The following PRKG1 variants were observed in gnomAD, a reference collection of about 807,000 sequenced individuals.
PRKG1 encodes cGMP-dependent protein kinase 1.
Under a neutral mutation model 88.1 loss-of-function variants are expected in PRKG1, and 35 were observed. The observed-to-expected ratio is 0.40, with a 90% CI of 0.30 to 0.53. The LOEUF (loss-of-function observed/expected upper bound fraction) is 0.53. Ranked by LOEUF, PRKG1 falls within the 20% of genes least tolerant of loss-of-function variation. PRKG1 has a pLI of 0.59. For missense variants in PRKG1, 540 were observed against 839.8 expected (o/e 0.64, Z 4.41); for synonymous variants, 303 against 292.5 (o/e 1.04, Z -0.37).
chr10:52,086,243 T>G (rs1349822392), intron 7 of PRKG1, among the ~76,000 whole-genome samples: 2 of 152,114 alleles, frequency 1.3e-5, no homozygotes, highest in African/African-American at 4.8e-5. Flanking sequence ...AGTTGCATTC[T>G]TTTCCTTATC....
intron 3 of PRKG1, among the ~76,000 whole-genome samples, chr10:51,694,456 G>C (rs1268123835): frequency 3.3e-5 from 5 of 152,180 alleles, no homozygotes; most frequent in Non-Finnish European, 7.3e-5. Flanking sequence ...TTTTGACTGG[G>C]ATTCACATTG....
intron 10 of PRKG1, among the ~76,000 whole-genome samples, chr10:52,267,718 C>T (rs924432851): frequency 2.0e-5 from 3 of 151,926 alleles, no homozygotes; most frequent in Admixed American, 2.0e-4. Flanking sequence ...TGCATGCTGA[C>T]TTGTAATCAG....
intron 3 of PRKG1, among the ~76,000 whole-genome samples, chr10:51,792,903 A>G (rs1049306694): frequency 5.9e-5 from 9 of 152,142 alleles, no homozygotes; most frequent in Non-Finnish European, 1.2e-4. Context: ...CTAAAGACAG[A>G]GGGTAGTTCT....
chr10:51,702,048 A>G (rs1410690564), intron 3 of PRKG1, among the ~76,000 whole-genome samples: 1 of 152,216 alleles, frequency 6.6e-6, no homozygotes, highest in African/African-American at 2.4e-5. Flanking sequence ...GGTACACTCT[A>G]TTAAAAGGTT....
intron 4 of PRKG1, among the ~76,000 whole-genome samples, chr10:51,899,172 C>A (rs1161653166): frequency 6.6e-6 from 1 of 151,990 alleles, no homozygotes; most frequent in Non-Finnish European, 1.5e-5. Context: ...ATCAATACAT[C>A]AATTTTAATC....
intron 2 of PRKG1, among the ~76,000 whole-genome samples, chr10:51,392,762 T>C (rs1837446780): frequency 7.3e-6 from 1 of 136,902 alleles, no homozygotes; most frequent in Non-Finnish European, 1.7e-5. Flanking sequence ...GGCGGGGGGC[T>C]GACCACCCCC....
At chr10:51,790,327 C>T (rs1206056553) in intron 3 of PRKG1, among the ~76,000 whole-genome samples, 1 of 152,038 alleles carries the variant, frequency 6.6e-6, no homozygotes, top group Admixed American at 6.6e-5. Context: ...TTCCTATGTA[C>T]TTATAAGATG....
At chr10:51,024,312 T>C (rs1589112106) in intron 1 of PRKG1, among the ~76,000 whole-genome samples, 1 of 152,190 alleles carries the variant, frequency 6.6e-6, no homozygotes, top group South Asian at 2.1e-4. Flanking sequence ...GAGTTAATTA[T>C]ACTGAAGGAC....
chr10:51,383,580 T>G (rs1365131498), intron 2 of PRKG1, among the ~76,000 whole-genome samples: 1 of 152,120 alleles, frequency 6.6e-6, no homozygotes, highest in Non-Finnish European at 1.5e-5. Flanking sequence ...GGAGCTGAGA[T>G]TTGAATGCTG....
intron 10 of PRKG1, among the ~76,000 whole-genome samples, chr10:52,266,170 G>A (rs1039422350): frequency 9.4e-5 from 14 of 148,560 alleles, no homozygotes; most frequent in African/African-American, 2.5e-4. Flanking sequence ...TTTAGTTAAT[G>A]AACCAATATT....
intron 1 of PRKG1, among the ~76,000 whole-genome samples, chr10:51,130,564 C>T (rs1845538677): frequency 6.6e-6 from 1 of 151,790 alleles, no homozygotes; most frequent in Non-Finnish European, 1.5e-5. Context: ...AAATAAATTC[C>T]ATCTACTTTT....
intron 2 of PRKG1, among the ~76,000 whole-genome samples, chr10:51,418,245 G>A (rs1838299012): frequency 6.6e-6 from 1 of 152,074 alleles, no homozygotes; most frequent in Non-Finnish European, 1.5e-5. Flanking sequence ...GGAACTTTAG[G>A]TAGAATTGCA....
At chr10:51,867,228 C>A (rs978968275) in intron 4 of PRKG1, among the ~76,000 whole-genome samples, 7 of 152,034 alleles carry the variant, frequency 4.6e-5, no homozygotes, top group Non-Finnish European at 8.8e-5. Context: ...AATATTGAGA[C>A]TATAAAGGCA....
chr10:51,267,704 A>C (rs1160454343), intron 2 of PRKG1, among the ~76,000 whole-genome samples: 1 of 152,202 alleles, frequency 6.6e-6, no homozygotes. Flanking sequence ...AACCCTAAAA[A>C]TTCTGGAAGA....
At chr10:51,389,949 T>C (rs1015847018) in intron 2 of PRKG1, among the ~76,000 whole-genome samples, 3 of 152,222 alleles carry the variant, frequency 2.0e-5, no homozygotes, top group East Asian at 1.9e-4. Flanking sequence ...AGTATGTTTA[T>C]GGACCCAAAT....
At chr10:51,441,921 C>T (rs968557795) in intron 2 of PRKG1, among the ~76,000 whole-genome samples, 1 of 151,826 alleles carries the variant, frequency 6.6e-6, no homozygotes. Flanking sequence ...TAAGCTATTT[C>T]TTTCACATTT....
At chr10:51,628,638 T>C (rs1473977341) in intron 3 of PRKG1, among the ~76,000 whole-genome samples, 1 of 152,182 alleles carries the variant, frequency 6.6e-6, no homozygotes, top group African/African-American at 2.4e-5. Flanking sequence ...TAAGTGCCTC[T>C]GAAATCAAAA....
chr10:51,038,032 C>A (rs1843375110), intron 1 of PRKG1, among the ~76,000 whole-genome samples: 1 of 152,000 alleles, frequency 6.6e-6, no homozygotes, highest in Admixed American at 6.6e-5. Flanking sequence ...AGGCCAGAAC[C>A]AATTATGTGT....
At chr10:51,542,051 G>A (rs12240601) in intron 3 of PRKG1, among the ~76,000 whole-genome samples, 10,815 of 152,040 alleles carry the variant, frequency 0.071, 1,260 homozygotes, top group African/African-American at 0.24. Flanking sequence ...AGTAACTACA[G>A]GATGGGATTA....
Sources: gnomAD v4.1 joint callset for allele counts (sites outside exome capture counted in the v4.1 genomes callset) on GRCh38, gnomAD v4.1.1 for gene constraint, MANE v1.5 for transcripts, NCBI Gene and HGNC (gene_info 2026-07-23, HGNC 2026-07-21) for gene names.